Variants in PDPR observed in about 807,000 individuals in gnomAD.
PDPR encodes pyruvate dehydrogenase phosphatase regulatory subunit, mitochondrial.
PDPR carries 50 observed loss-of-function variants against 102.2 expected under a neutral mutation model. The observed-to-expected ratio is 0.49, with a 90% CI of 0.39 to 0.62. PDPR has a LOEUF of 0.62. Ranked by LOEUF, PDPR falls within the 20% of genes least tolerant of loss-of-function variation. The probability of loss-of-function intolerance (pLI) is 0.00; values close to 1 mark genes in which losing one functional copy is unlikely to be tolerated. For synonymous variants in PDPR, 259 were observed against 406.0 expected, an observed-to-expected ratio of 0.64 and a Z score of 4.35; for missense variants, 625 against 1,098.2, an observed-to-expected ratio of 0.57 and a Z score of 6.09.
intron 3 of PDPR, among the ~76,000 whole-genome samples, chr16:70,125,570 A>AGTAT (rs1257762495): frequency 1.5e-5 from 2 of 132,000 alleles, no homozygotes; most frequent in African/African-American, 2.7e-5. Context: ...AAAAAAAAAA[A>AGTAT]AAAAGTATAT....
chr16:70,144,816 G>A (rs546290974), intron 15 of PDPR, among the ~76,000 whole-genome samples: 15 of 152,278 alleles, frequency 9.9e-5, no homozygotes, highest in South Asian at 4.1e-4. Flanking sequence ...TTAGCTGGGC[G>A]TGGTGGCACA....
intron 17 of PDPR, among the ~76,000 whole-genome samples, chr16:70,149,237 C>G (rs759779018): frequency 6.7e-6 from 1 of 149,204 alleles, no homozygotes; most frequent in Admixed American, 6.8e-5. Context: ...TACTGCTATT[C>G]TTCATCCTGT....
At chr16:70,152,825 A>C (rs1320828638) in intron 17 of PDPR, among the ~76,000 whole-genome samples, 1 of 152,292 alleles carries the variant, frequency 6.6e-6, no homozygotes, top group Non-Finnish European at 1.5e-5. Flanking sequence ...TTCTGAAACC[A>C]AGAAAAGAGC....
intron 18 of PDPR, 155 bp from the exon 19 acceptor site, chr16:70,156,320 T>C (rs1293193619): frequency 1.2e-5 from 11 of 886,932 alleles, no homozygotes; most frequent in Admixed American, 5.8e-5. Context: ...TTTCACATGG[T>C]AGAAATCGCA....
intron 17 of PDPR, among the ~76,000 whole-genome samples, chr16:70,151,001 C>G (rs112451939): frequency 2.6e-5 from 4 of 152,338 alleles, no homozygotes; most frequent in African/African-American, 9.6e-5. Context: ...GTGGCATGAT[C>G]TCGGCTCACT....
chr16:70,135,790 G>A (rs145929691), intron 9 of PDPR, among the ~76,000 whole-genome samples: 4,842 of 150,908 alleles, frequency 0.032, 42 homozygotes, highest in East Asian at 0.12. Flanking sequence ...TCTTCCAGCC[G>A]GACGCAGTGG....
At chr16:70,137,230 C>G (rs1965242462) in intron 10 of PDPR, among the ~76,000 whole-genome samples, 1 of 152,156 alleles carries the variant, frequency 6.6e-6, no homozygotes, top group South Asian at 2.1e-4. Context: ...GTGGCGGGTG[C>G]TTGTGGTCCC....
rs1282336706 is a variant in PDPR, at chr16:70,158,009, A to AG, written c.*1132dup. 6.5e-6 allele frequency: 1 copy of AG among 153,604 alleles called. No homozygotes were observed. Among genetic ancestry groups the AG allele is most frequent in the African/African-American group, 2.4e-5 (1 of 41,488 alleles). The allele number at this position is 153,604 out of a possible 1,614,324, so 9.5% of individuals were successfully genotyped here. ...TCCAGCACAGAGCAGAGCTACACAG[A>AG]GGTGACCCACGTTAGTCCACTGAGA... On this transcript the variant is annotated 3_prime_UTR_variant, in exon 19 of 19. Transcript: ENST00000288050.
At chr16:70,134,580 G>A (rs1392161967) in intron 9 of PDPR, among the ~76,000 whole-genome samples, 2 of 150,422 alleles carry the variant, frequency 1.3e-5, no homozygotes, top group Non-Finnish European at 3.0e-5. Flanking sequence ...ATCGCCTGAG[G>A]TCAGGAGTTC....
intron 17 of PDPR, among the ~76,000 whole-genome samples, chr16:70,153,165 A>G (rs1966842394): frequency 1.3e-5 from 2 of 152,290 alleles, no homozygotes; most frequent in Admixed American, 1.3e-4. Context: ...TAGAGAGGTG[A>G]AAAGACATGG....
At position 70,159,583 on chromosome 16, in the gene PDPR, G is replaced by A. The variant is rs3811354; in HGVS notation, c.*2704G>A. On this transcript the variant is annotated 3_prime_UTR_variant, in exon 19 of 19. Coordinates refer to ENST00000288050, the MANE Select transcript of PDPR (RefSeq NM_017990.5). Reference sequence around the variant, plus strand: ...GTTTTCTGTGATTGGTCTAATGTGAGCTCTTTGAACAGACAGATCTGACAG... The same window carrying A: ...GTTTTCTGTGATTGGTCTAATGTGAACTCTTTGAACAGACAGATCTGACAG... 0.23 allele frequency: 33,776 copies of A among 144,160 alleles called. 1,126 individuals carry two copies. The highest frequency in any genetic ancestry group is 0.3 in the Non-Finnish European group (18,997 of 63,232). 8.9% of individuals were successfully genotyped at this position (144,160 alleles called of 1,614,324 possible). A position where few individuals can be genotyped will look rare whatever the true frequency, so the allele number is the denominator to read the frequency against.
At chr16:70,115,787 C>T (rs1409080148) in intron 2 of PDPR, among the ~76,000 whole-genome samples, 1 of 152,028 alleles carries the variant, frequency 6.6e-6, no homozygotes, top group Non-Finnish European at 1.5e-5. Context: ...ATTATACGGT[C>T]ATTTTCCAGA....
intron 18 of PDPR, among the ~76,000 whole-genome samples, chr16:70,155,604 G>C (rs1188252328): frequency 6.6e-6 from 1 of 152,226 alleles, no homozygotes; most frequent in Non-Finnish European, 1.5e-5. Context: ...TGGTCAGGCT[G>C]GTCTCGAACT....
chr16:70,123,847 G>A (rs1313270280), intron 3 of PDPR, among the ~76,000 whole-genome samples: 2 of 152,254 alleles, frequency 1.3e-5, no homozygotes, highest in African/African-American at 4.8e-5. Context: ...GAGATCAGGA[G>A]TTCGAGACCA....
intron 3 of PDPR, among the ~76,000 whole-genome samples, chr16:70,120,931 CTTTTTTT>C (rs71385643): frequency 1.3e-3 from 139 of 103,020 alleles, no homozygotes; most frequent in African/African-American, 2.9e-3. Flanking sequence ...TTTCGTTTTC[CTTTTTTT>C]TTTTTTTTTT....
intron 17 of PDPR, among the ~76,000 whole-genome samples, chr16:70,150,088 C>T (rs533036020): frequency 4.0e-4 from 60 of 148,262 alleles, no homozygotes; most frequent in Admixed American, 2.5e-3. Context: ...CGCACCCGGC[C>T]GGCTTTTTTT....
At chr16:70,139,222 G>A (rs1375832767) in intron 11 of PDPR, among the ~76,000 whole-genome samples, 199 bp downstream of exon 11, 4 of 152,218 alleles carry the variant, frequency 2.6e-5, no homozygotes, top group Non-Finnish European at 5.9e-5. Context: ...TTAGTGCATC[G>A]GACCTTGTTT....
intron 1 of PDPR, 101 bp from the exon 2 acceptor site, chr16:70,114,720 G>C (rs1043916025): frequency 2.6e-5 from 4 of 152,382 alleles, no homozygotes; most frequent in Non-Finnish European, 5.9e-5. Context: ...CCCGATGCCA[G>C]GGCGGCCGGG....
At chr16:70,121,701 AAAAG>A (rs1177106713) in intron 3 of PDPR, among the ~76,000 whole-genome samples, 2 of 152,340 alleles carry the variant, frequency 1.3e-5, no homozygotes, top group Non-Finnish European at 2.9e-5. Flanking sequence ...AAAAAAAAAA[AAAAG>A]AATACAGGCC....
Sources: allele counts gnomAD v4.1 joint callset (sites outside exome capture counted in the v4.1 genomes callset), GRCh38; gene constraint gnomAD v4.1.1; transcripts MANE v1.5; gene names NCBI Gene and HGNC (gene_info 2026-07-23, HGNC 2026-07-21).